MTOR: variants seen among roughly 807,000 people sequenced by gnomAD.
The protein encoded by MTOR is mechanistic target of rapamycin kinase.
MTOR carries 70 observed loss-of-function variants against 319.8 expected under a neutral mutation model. The ratio of observed to expected loss-of-function variants is 0.22; its 90% CI spans 0.18 to 0.27. MTOR has a LOEUF of 0.27. MTOR is among the 10% of genes least tolerant of loss of function. The pLI is 1.00. For synonymous variants in MTOR, 1,183 were observed against 1,211.4 expected (o/e 0.98, Z 0.49); for missense variants, 1,890 against 3,274.4 (o/e 0.58, Z 10.32).
At chr1:11,193,464 C>T (rs138898242) in intron 28 of MTOR, 31 of 876,514 alleles carry the variant, frequency 3.5e-5, no homozygotes, top group South Asian at 1.8e-4. Flanking sequence ...AGTGTGACTG[C>T]GGGAGTGCAC....
chr1:11,195,121 C>A, intron 28 of MTOR: 1 of 1,265,708 alleles, frequency 7.9e-7, no homozygotes, highest in Admixed American at 2.6e-5. Flanking sequence ...AAGGGTAGGA[C>A]TGAGAAACAG....
intron 26 of MTOR, among the ~76,000 whole-genome samples, chr1:11,200,791 G>A (rs527574954): frequency 1.4e-4 from 22 of 152,180 alleles, no homozygotes; most frequent in Non-Finnish European, 1.0e-4. Flanking sequence ...TGAGGCGGGC[G>A]GATCACAAGG....
intron 28 of MTOR, among the ~76,000 whole-genome samples, chr1:11,178,766 T>TC (rs1337844545): frequency 6.6e-6 from 1 of 152,186 alleles, no homozygotes; most frequent in Non-Finnish European, 1.5e-5. Context: ...CTAATGTTCA[T>TC]CTCTCTTGAC....
intron 30 of MTOR, among the ~76,000 whole-genome samples, chr1:11,155,177 A>T (rs970199747): frequency 2.6e-5 from 4 of 152,208 alleles, no homozygotes; most frequent in Non-Finnish European, 5.9e-5. Context: ...GCCTATATTA[A>T]ATAGACTAGA....
At chr1:11,193,444 C>T (rs1645630363) in intron 28 of MTOR, 6 of 754,224 alleles carry the variant, frequency 8.0e-6, no homozygotes, top group Middle Eastern at 3.5e-4. Context: ...CATCACTGCC[C>T]GAGTGAGCCA....
chr1:11,259,457 A>C (rs1650830818), intron 1 of MTOR, 34 bp from the exon 2 acceptor site: 2 of 1,504,138 alleles, frequency 1.3e-6, no homozygotes, highest in African/African-American at 1.4e-5. Flanking sequence ...TATTCTGGAT[A>C]AGAAAGTATG....
At chr1:11,110,817 T>C (rs1641823540) in intron 54 of MTOR, among the ~76,000 whole-genome samples, 1 of 152,160 alleles carries the variant, frequency 6.6e-6, no homozygotes, top group Non-Finnish European at 1.5e-5. Context: ...CTTACAGGTG[T>C]GCACCACAAC....
At chr1:11,211,421 A>G (rs1402487094) in intron 23 of MTOR, among the ~76,000 whole-genome samples, 1 of 152,218 alleles carries the variant, frequency 6.6e-6, no homozygotes, top group African/African-American at 2.4e-5. Context: ...GCTGGAGTGC[A>G]ATGGCACAAT....
chr1:11,154,503 G>T (rs77604741), intron 30 of MTOR, among the ~76,000 whole-genome samples: 14,738 of 151,894 alleles, frequency 0.097, 1,205 homozygotes, highest in African/African-American at 0.2. Flanking sequence ...TCAAATAATT[G>T]TGGAATATTA....
intron 25 of MTOR, among the ~76,000 whole-genome samples, chr1:11,205,988 G>A (rs897293650): frequency 6.6e-6 from 1 of 152,184 alleles, no homozygotes; most frequent in Non-Finnish European, 1.5e-5. Flanking sequence ...AAAGAGTTAC[G>A]GATGAATAGA....
intron 28 of MTOR, among the ~76,000 whole-genome samples, chr1:11,171,238 T>A (rs1644804493): frequency 6.6e-6 from 1 of 151,594 alleles, no homozygotes; most frequent in African/African-American, 2.4e-5. Flanking sequence ...TTCTAACAAC[T>A]GTCTTCAATC....
intron 29 of MTOR, among the ~76,000 whole-genome samples, chr1:11,159,196 A>G (rs1644401264): frequency 6.6e-6 from 1 of 152,178 alleles, no homozygotes; most frequent in Admixed American, 6.5e-5. Context: ...ATATCAAAGG[A>G]GAGAACATCT....
In MTOR at chr1:11,128,336, G is replaced by A. The variant is rs892686700; in HGVS notation, c.5910+118C>T. Reference sequence around the variant, plus strand: ...GACGGCTGGCTGGACAGACCCTCCTGGGCCAGGATGGAACACATGGCTCCC... The same window carrying A: ...GACGGCTGGCTGGACAGACCCTCCTAGGCCAGGATGGAACACATGGCTCCC... On this transcript the variant is annotated intron_variant, in intron 42 of 57. Coordinates refer to ENST00000361445, the MANE Select transcript of MTOR (RefSeq NM_004958.4). The surrounding 1 kb of genome is among the most constrained non-coding windows in gnomAD (Gnocchi z 5.3). 56 of 1,266,924 alleles carry A rather than the reference G, an allele frequency of 4.4e-5. No homozygotes were observed. The highest frequency in any genetic ancestry group is 5.5e-5 in the Non-Finnish European group (49 of 893,532). 78.5% of individuals were successfully genotyped at this position (1,266,924 alleles called of 1,614,324 possible). A position where few individuals can be genotyped will look rare whatever the true frequency, so the allele number is the denominator to read the frequency against.
intron 23 of MTOR, among the ~76,000 whole-genome samples, chr1:11,211,419 G>C (rs771930519): frequency 1.3e-5 from 2 of 152,228 alleles, no homozygotes; most frequent in Non-Finnish European, 2.9e-5. Flanking sequence ...AGGCTGGAGT[G>C]CAATGGCACA....
At chr1:11,220,041 A>G (rs573752686) in intron 19 of MTOR, among the ~76,000 whole-genome samples, 2 of 127,184 alleles carry the variant, frequency 1.6e-5, no homozygotes, top group African/African-American at 6.2e-5. Flanking sequence ...CAAAAAAAAA[A>G]AAAAGAAAAG....
At chr1:11,236,754 G>C (rs1361278712) in intron 13 of MTOR, among the ~76,000 whole-genome samples, 1 of 151,892 alleles carries the variant, frequency 6.6e-6, no homozygotes. Flanking sequence ...CAGGTGATCT[G>C]GCCACCTCGG....
At chr1:11,135,431 AAG>A (rs1643356229) in intron 36 of MTOR, among the ~76,000 whole-genome samples, 1 of 152,232 alleles carries the variant, frequency 6.6e-6, no homozygotes, top group Admixed American at 6.5e-5. Context: ...GAATGTGAAA[AAG>A]AGGCAATGTG....
rs780630255 is a variant in MTOR at position 11,109,738 on chromosome 1, A to G, written c.7367-9T>C. 89 of 1,613,488 alleles carry G rather than the reference A, an allele frequency of 5.5e-5. 1 individual carries two copies. The Middle Eastern group carries it at 8.3e-4, about 15-fold the overall frequency. ...CACACCGTCCAAAATTTCTATGGGA[A>G]AAGAAATCAATTAACAGAAAATTCA... On this transcript the variant is annotated splice_polypyrimidine_tract_variant and intron_variant, in intron 54 of 57. Coordinates refer to ENST00000361445, the MANE Select transcript of MTOR (RefSeq NM_004958.4). This position sits in a 1 kb window ranked among gnomAD's most constrained non-coding sequence, Gnocchi z 4.0.
In MTOR at chr1:11,134,485, A is replaced by G; in HGVS notation, c.5131-19T>C. The G allele has an allele frequency of 6.2e-7, 1 of 1,611,234 alleles. No homozygotes were observed. The highest frequency in any genetic ancestry group is 8.5e-7 in the Non-Finnish European group (1 of 1,177,458). ...CATCGATCTGTAACAGGACAAAGGC[A>G]CAGAGAGCCACTTGGCTTGTGGCCC... On this transcript the variant is annotated intron_variant, in intron 36 of 57. Transcript: ENST00000361445.
Sources: gnomAD v4.1 joint callset for allele counts (sites outside exome capture counted in the v4.1 genomes callset) on GRCh38, gnomAD v4.1.1 for gene constraint, Gnocchi (gnomAD v3.1) non-coding constraint, MANE v1.5 for transcripts, NCBI Gene and HGNC (gene_info 2026-07-23, HGNC 2026-07-21) for gene names.